Variants in POT1 observed in about 807,000 individuals in gnomAD.
The protein encoded by POT1 is protection of telomeres 1.
Under a neutral mutation model 78.5 loss-of-function variants are expected in POT1, and 47 were observed. The observed-to-expected ratio is 0.60, with a 90% CI of 0.47 to 0.76. POT1 has a LOEUF of 0.76. Among genes scored for constraint, POT1 ranks in the 30% least tolerant of loss-of-function variants. The probability of loss-of-function intolerance (pLI) is 0.00; values close to 1 mark genes in which losing one functional copy is unlikely to be tolerated. For synonymous variants in POT1, 259 were observed against 260.7 expected, an observed-to-expected ratio of 0.99 and a Z score of 0.06; for missense variants, 646 against 749.9, an observed-to-expected ratio of 0.86 and a Z score of 1.62.
At chr7:124,881,200 T>A (rs1398585610) in intron 6 of POT1, among the ~76,000 whole-genome samples, 1 of 151,978 alleles carries the variant, frequency 6.6e-6, no homozygotes, top group African/African-American at 2.4e-5. Flanking sequence ...TATTTTCATA[T>A]GAAAAAACAC....
At chr7:124,882,660 A>G (rs1796146182) in intron 6 of POT1, among the ~76,000 whole-genome samples, 1 of 151,372 alleles carries the variant, frequency 6.6e-6, no homozygotes, top group South Asian at 2.1e-4. Flanking sequence ...AAGTCTTTTA[A>G]CTGAATGAGT....
rs1188394338 is a variant in POT1, at chr7:124,885,647, T to A, written c.124+6619A>T. Among the ~76,000 whole-genome samples, 11 of 152,110 alleles carry A rather than the reference T, an allele frequency of 7.2e-5. No homozygotes were observed. In the East Asian group the frequency reaches 2.1e-3, roughly 30 times the overall value. ...CAGGCGTGGTGGCTGGTGCCTGTAG[T>A]CCCAGCTACTCAGGAGGCTGAGGCA... is the stretch of plus-strand genomic sequence containing the variant. On this transcript the variant is annotated intron_variant, in intron 6 of 18. Coordinates refer to ENST00000357628, the MANE Select transcript of POT1 (RefSeq NM_015450.3).
intron 12 of POT1, among the ~76,000 whole-genome samples, chr7:124,846,295 T>G (rs1466733237): frequency 1.3e-5 from 2 of 152,170 alleles, no homozygotes; most frequent in African/African-American, 4.8e-5. Context: ...TAATGGTACC[T>G]CCAATTACAA....
chr7:124,824,977 A>G (rs1562972212), intron 18 of POT1, among the ~76,000 whole-genome samples: 1 of 152,190 alleles, frequency 6.6e-6, no homozygotes, highest in African/African-American at 2.4e-5. Flanking sequence ...AAATGCTTGT[A>G]GCATGACAAT....
Position 124,855,891 on chromosome 7 carries a change from T to C in POT1, c.703-2753A>G, listed in dbSNP as rs958283774. ...ACCACGTATATTTTATAATTAACAA[T>C]TGTGTCTGGATAAGAGTAGGGATTT... On this transcript the variant is annotated intron_variant, in intron 9 of 18. Transcript: ENST00000357628. Among the ~76,000 whole-genome samples, 6 of 152,060 alleles carry C rather than the reference T, an allele frequency of 3.9e-5. No individual in the cohort carries two copies. The South Asian group carries it at 6.2e-4, about 16-fold the overall frequency.
At chr7:124,872,474 C>T (rs1237685019) in intron 6 of POT1, among the ~76,000 whole-genome samples, 9 of 152,182 alleles carry the variant, frequency 5.9e-5, no homozygotes, top group Non-Finnish European at 1.3e-4. Context: ...ACTGTCCACG[C>T]TCCCTGCCTG....
At chr7:124,840,854 T>G in intron 14 of POT1, 119 bp downstream of exon 14, 1 of 714,134 alleles carries the variant, frequency 1.4e-6, no homozygotes, top group East Asian at 2.9e-5. Context: ...TTTGTTAAAT[T>G]TAAATACTAT....
chr7:124,870,309 G>A (rs1239994406), intron 7 of POT1, among the ~76,000 whole-genome samples: 3 of 151,940 alleles, frequency 2.0e-5, no homozygotes, highest in East Asian at 1.9e-4. Context: ...CTTTGTATTT[G>A]TAAGTTCTAA....
intron 14 of POT1, among the ~76,000 whole-genome samples, chr7:124,836,718 C>T (rs1325344283): frequency 6.6e-6 from 1 of 152,106 alleles, no homozygotes; most frequent in Non-Finnish European, 1.5e-5. Context: ...TAACAGTTTC[C>T]CCATTTGCAA....
intron 6 of POT1, among the ~76,000 whole-genome samples, chr7:124,876,966 A>C (rs962671275): frequency 1.3e-5 from 2 of 152,314 alleles, no homozygotes; most frequent in Admixed American, 6.5e-5. Context: ...GAGAAGCCCC[A>C]AAAGTAAATT....
chr7:124,827,178 T>G (rs756149823), intron 17 of POT1, 36 bp downstream of exon 17: 1 of 1,212,952 alleles, frequency 8.2e-7, no homozygotes, highest in Non-Finnish European at 1.1e-6. Flanking sequence ...ATATTATTTT[T>G]TAATTAAAAA....
rs529537596 is a variant in POT1, at chr7:124,848,258, ACT to A, written c.950-1262_950-1261del. 1.6e-4 allele frequency among the ~76,000 whole-genome samples: 24 copies of A among 152,212 alleles called. No homozygotes were observed. In the South Asian group the frequency reaches 1.7e-3, roughly 11 times the overall value. On this transcript the variant is annotated intron_variant, in intron 11 of 18. Coordinates refer to ENST00000357628, the MANE Select transcript of POT1 (RefSeq NM_015450.3). ...GCTAATTTTACCTCAAAAATAAAAA[ACT>A]CTAAATAACTACTAAACTCTAGCTA...
intron 17 of POT1, among the ~76,000 whole-genome samples, chr7:124,826,885 A>C (rs1794643579): frequency 6.6e-6 from 1 of 151,770 alleles, no homozygotes; most frequent in Non-Finnish European, 1.5e-5. Context: ...CAAACAAACA[A>C]ACAAACAAAC....
intron 2 of POT1, 100 bp from the exon 3 acceptor site, chr7:124,915,746 T>G (rs1385379627): frequency 2.6e-5 from 4 of 152,282 alleles, no homozygotes; most frequent in Non-Finnish European, 4.4e-5. Flanking sequence ...GCAACAGTTT[T>G]CTTTCAAGAA....
intron 2 of POT1, among the ~76,000 whole-genome samples, chr7:124,920,042 A>G (rs1056694448): frequency 6.7e-6 from 1 of 148,760 alleles, no homozygotes; most frequent in Non-Finnish European, 1.5e-5. Context: ...TAGCATGCCA[A>G]CCTATGAGCT....
chr7:124,873,881 T>C (rs1048939659), intron 6 of POT1, among the ~76,000 whole-genome samples: 1 of 150,796 alleles, frequency 6.6e-6, no homozygotes, highest in Non-Finnish European at 1.5e-5. Context: ...AGGGATAAAA[T>C]AAACAGAGGA....
At chr7:124,909,134 T>G (rs1244815312) in intron 3 of POT1, among the ~76,000 whole-genome samples, 2 of 151,830 alleles carry the variant, frequency 1.3e-5, no homozygotes, top group African/African-American at 2.4e-5. Flanking sequence ...TTTGACAGTT[T>G]TGGGGTAATT....
chr7:124,849,748 A>G (rs572550148), intron 11 of POT1, among the ~76,000 whole-genome samples: 5 of 152,182 alleles, frequency 3.3e-5, no homozygotes, highest in African/African-American at 9.6e-5. Context: ...TGAAAAAAGC[A>G]TAACATTATT....
chr7:124,903,738 T>C (rs559496057), intron 3 of POT1, among the ~76,000 whole-genome samples: 3 of 152,270 alleles, frequency 2.0e-5, no homozygotes, highest in African/African-American at 4.8e-5. Context: ...ATCCAGGAGC[T>C]AGTTTTTTGA....
Sources: gnomAD v4.1 joint callset for allele counts (sites outside exome capture counted in the v4.1 genomes callset) on GRCh38, gnomAD v4.1.1 for gene constraint, MANE v1.5 for transcripts, NCBI Gene and HGNC (gene_info 2026-07-23, HGNC 2026-07-21) for gene names.